AP1S2: variants seen among roughly 807,000 people sequenced by gnomAD.
AP1S2 encodes the protein AP-1 complex subunit sigma-2.
In AP1S2, 1 loss-of-function variant was observed where a neutral mutation model predicts 14.3. The observed-to-expected ratio is 0.07, with a 90% CI of 0.02 to 0.33. The LOEUF (loss-of-function observed/expected upper bound fraction) is 0.33. Among genes scored for constraint, AP1S2 ranks in the 10% least tolerant of loss-of-function variants. AP1S2 has a pLI of 0.99. For synonymous variants in AP1S2, 30 were observed against 40.5 expected (o/e 0.74, Z 0.99); for missense variants, 30 against 117.7 (o/e 0.25, Z 3.45).
chrX:15,849,749 T>C (rs1280962758), intron 2 of AP1S2, among the ~76,000 whole-genome samples: 1 of 111,278 alleles, frequency 9.0e-6, no homozygotes, highest in Admixed American at 9.5e-5. Flanking sequence ...GGTATTTTCC[T>C]CCTCCACACG....
chrX:15,832,392 G>A, intron 4 of AP1S2: 2 of 724,354 alleles, frequency 2.8e-6, no homozygotes, highest in Non-Finnish European at 3.3e-6. Context: ...CATGTAAACT[G>A]TTCCAAGAAA....
chrX:15,841,539 A>G (rs1311804097), intron 4 of AP1S2, among the ~76,000 whole-genome samples: 1 of 112,315 alleles, frequency 8.9e-6, no homozygotes, highest in Non-Finnish European at 1.9e-5. Flanking sequence ...ATTTCATGAA[A>G]TTGATTAAGT....
intron 4 of AP1S2, among the ~76,000 whole-genome samples, chrX:15,828,884 A>C (rs1323906003): frequency 8.9e-6 from 1 of 111,953 alleles, no homozygotes; most frequent in Non-Finnish European, 1.9e-5. Context: ...ATCTGATTCT[A>C]ACAAACCAAA....
At position 15,850,573 on chromosome X, in the gene AP1S2, G is replaced by C. The variant is rs190602798; in HGVS notation, c.179+1773C>G. ...GGCGGGGTCTCACTAAGTTGCCAGGGCTGGACTTGAACTCCTGGGCTCAAG... is the reference window on the plus strand; with the variant it reads ...GGCGGGGTCTCACTAAGTTGCCAGGCCTGGACTTGAACTCCTGGGCTCAAG... On this transcript the variant is annotated intron_variant, in intron 2 of 5. Transcript: ENST00000672987. 3.6e-3 allele frequency among the ~76,000 whole-genome samples: 391 copies of C among 107,412 alleles called. 2 individuals are homozygous for C. Among genetic ancestry groups the C allele is most frequent in the African/African-American group, 0.013 (376 of 29,328 alleles). The allele number at this position is 107,412 out of a possible 115,157, so 93.3% of individuals were successfully genotyped here. A position where few individuals can be genotyped will look rare whatever the true frequency, so the allele number is the denominator to read the frequency against.
chrX:15,831,551 A>G (rs776832857), intron 4 of AP1S2: 27 of 764,029 alleles, frequency 3.5e-5, no homozygotes, highest in Non-Finnish European at 4.3e-5. Context: ...CAGGGACATT[A>G]AAATATTCAT....
chrX:15,849,094 G>T (rs1934088550), intron 2 of AP1S2, among the ~76,000 whole-genome samples: 3 of 111,872 alleles, frequency 2.7e-5, no homozygotes. Context: ...AGCATTTAGA[G>T]ATAAGGAAAC....
At chrX:15,839,135 A>G (rs1933744682) in intron 4 of AP1S2, among the ~76,000 whole-genome samples, 1 of 112,040 alleles carries the variant, frequency 8.9e-6, no homozygotes, top group South Asian at 3.7e-4. Context: ...TCAAGCATTA[A>G]TGTAATCAAA....
chrX:15,848,021 T>C (rs1392283299), intron 2 of AP1S2, among the ~76,000 whole-genome samples: 1 of 111,766 alleles, frequency 8.9e-6, no homozygotes, highest in East Asian at 2.8e-4. Flanking sequence ...TAAACACTAG[T>C]CAAAGGTCCT....
At chrX:15,840,988 A>T (rs1933813652) in intron 4 of AP1S2, among the ~76,000 whole-genome samples, 1 of 112,400 alleles carries the variant, frequency 8.9e-6, no homozygotes, top group Non-Finnish European at 1.9e-5. Context: ...TGTCAAAACT[A>T]ATCCTTTATT....
At chrX:15,852,553 A>G in intron 1 of AP1S2, 29 bp from the exon 2 acceptor site, 6 of 1,154,267 alleles carry the variant, frequency 5.2e-6, no homozygotes, top group Non-Finnish European at 7.1e-6. Flanking sequence ...TCAAGATTAC[A>G]TGTAATACTT....
At chrX:15,835,223 T>C (rs1933595223) in intron 4 of AP1S2, among the ~76,000 whole-genome samples, 1 of 112,471 alleles carries the variant, frequency 8.9e-6, no homozygotes, top group African/African-American at 3.2e-5. Flanking sequence ...GAAAAGTAAA[T>C]ATAAATAAGT....
intron 2 of AP1S2, among the ~76,000 whole-genome samples, chrX:15,847,887 A>G (rs1027219839): frequency 8.9e-6 from 1 of 112,239 alleles, no homozygotes; most frequent in Non-Finnish European, 1.9e-5. Context: ...AAGTTTACTA[A>G]CAGTTTCAAG....
At chrX:15,833,037 T>A in intron 4 of AP1S2, 1 of 1,096,632 alleles carries the variant, frequency 9.1e-7, no homozygotes, top group Non-Finnish European at 1.2e-6. Flanking sequence ...AGTTTAAGTC[T>A]GTCAAATAAC....
chrX:15,828,412 A>T (rs1296576755), intron 4 of AP1S2, among the ~76,000 whole-genome samples: 1 of 111,667 alleles, frequency 9.0e-6, no homozygotes, highest in Non-Finnish European at 1.9e-5. Context: ...TAATTTATAG[A>T]AAGTGCTTCA....
Position 15,845,433 on chromosome X carries a change from T to C in AP1S2, c.372A>G (p.Glu124=), listed in dbSNP as rs777218950. Reference sequence around the variant, plus strand: ...CTTTAAGGACATTTTTCTTGGATGTTTCCTGAACTTCCCCTCCCAAAAGAA... The same window carrying C: ...CTTTAAGGACATTTTTCTTGGATGTCTCCTGAACTTCCCCTCCCAAAAGAA... The part of the protein sequence containing the change: ...DEFLLGGEVQ[E]TSKKNVLKAI... Residue 124 remains glutamate (E), a synonymous_variant, in exon 4 of 6, where the codon GAA becomes GAG. Coordinates refer to ENST00000672987, the MANE Select transcript of AP1S2 (RefSeq NM_001272071.2). 3.3e-6 allele frequency: 4 copies of C among 1,208,286 alleles called. No homozygotes were observed. The highest frequency in any genetic ancestry group is 4.5e-6 in the Non-Finnish European group (4 of 894,766).
At chrX:15,837,920 T>C (rs1933700165) in intron 4 of AP1S2, among the ~76,000 whole-genome samples, 1 of 111,645 alleles carries the variant, frequency 9.0e-6, no homozygotes, top group Non-Finnish European at 1.9e-5. Flanking sequence ...ATGATTTTTA[T>C]AGCTATTTGT....
chrX:15,853,785 G>A (rs930948215), intron 1 of AP1S2, among the ~76,000 whole-genome samples: 2 of 111,775 alleles, frequency 1.8e-5, no homozygotes, highest in African/African-American at 6.5e-5. Flanking sequence ...AATGCGTCAG[G>A]GGAACAAAAT....
At chrX:15,852,767 AAAG>A (rs1279184989) in intron 1 of AP1S2, 3 of 598,621 alleles carry the variant, frequency 5.0e-6, no homozygotes, top group Non-Finnish European at 6.0e-6. Context: ...GCAGGAGAAA[AAAG>A]AAAAATGGGT....
chrX:15,840,986 C>CCT (rs1933813433), intron 4 of AP1S2, among the ~76,000 whole-genome samples: 1 of 112,048 alleles, frequency 8.9e-6, no homozygotes, highest in Non-Finnish European at 1.9e-5. Flanking sequence ...AATGTCAAAA[C>CCT]TAATCCTTTA....
Sources: gnomAD v4.1 joint callset for allele counts (sites outside exome capture counted in the v4.1 genomes callset) on GRCh38, gnomAD v4.1.1 for gene constraint, MANE v1.5 for transcripts, NCBI Gene and HGNC (gene_info 2026-07-23, HGNC 2026-07-21) for gene names.